The following ITPR2 variants were observed in gnomAD, a reference collection of about 807,000 sequenced individuals.
ITPR2 encodes the protein inositol 1,4,5-trisphosphate receptor type 2.
In ITPR2, 207 loss-of-function variants were observed where a neutral mutation model predicts 317.1. The observed-to-expected ratio is 0.65, with a 90% CI of 0.58 to 0.73. The LOEUF (loss-of-function observed/expected upper bound fraction) is 0.73, where lower values mean the gene tolerates loss of function less well. ITPR2 is among the 30% of genes least tolerant of loss of function. ITPR2 has a pLI of 0.00. For missense variants in ITPR2, 2,613 were observed against 3,284.0 expected (o/e 0.80, Z 4.99); for synonymous variants, 1,156 against 1,149.1 (o/e 1.01, Z -0.12).
Position 26,387,418 on chromosome 12 carries a change from C to T in ITPR2, c.7857+16G>A. On this transcript the variant is annotated intron_variant, in intron 55 of 56. Transcript: ENST00000381340. ...GATACAATATAGTCACAAATTAAAA[C>T]CTTCTGGTCACTCACCACAATCATT... is the stretch of plus-strand genomic sequence containing the variant. The T allele has an allele frequency of 1.2e-6, 2 of 1,611,000 alleles. No individual in the cohort carries two copies. Among genetic ancestry groups the T allele is most frequent in the Non-Finnish European group, 1.7e-6 (2 of 1,178,276 alleles).
At chr12:26,352,501 CGA>C (rs2136561715) in intron 55 of ITPR2, among the ~76,000 whole-genome samples, 1 of 152,302 alleles carries the variant, frequency 6.6e-6, no homozygotes, top group South Asian at 2.1e-4. Context: ...CCTAAGATAA[CGA>C]GAGTCAGTTG....
chr12:26,819,053 A>G (rs1480950179), intron 1 of ITPR2, among the ~76,000 whole-genome samples: 2 of 152,232 alleles, frequency 1.3e-5, no homozygotes, highest in Non-Finnish European at 2.9e-5. Context: ...TTTTCTAAAG[A>G]TATTACATTT....
intron 2 of ITPR2, among the ~76,000 whole-genome samples, chr12:26,765,274 A>G (rs1239424114): frequency 6.6e-6 from 1 of 152,100 alleles, no homozygotes; most frequent in Non-Finnish European, 1.5e-5. Context: ...TTTTACAAGC[A>G]AGAAAGTGTA....
At chr12:26,697,433 T>C (rs1948371710) in intron 9 of ITPR2, among the ~76,000 whole-genome samples, 1 of 152,190 alleles carries the variant, frequency 6.6e-6, no homozygotes, top group Admixed American at 6.5e-5. Context: ...GGAAATGGTT[T>C]GGCATTCTCA....
chr12:26,784,846 T>TGG (rs1950185891), intron 2 of ITPR2, among the ~76,000 whole-genome samples: 2 of 139,922 alleles, frequency 1.4e-5, no homozygotes, highest in South Asian at 4.8e-4. Context: ...CTGCCCAGTC[T>TGG]GGAAGGTGAG....
chr12:26,544,591 C>A (rs1470627762), intron 37 of ITPR2, among the ~76,000 whole-genome samples: 1 of 86,136 alleles, frequency 1.2e-5, no homozygotes, highest in East Asian at 3.2e-4. Flanking sequence ...CAGACAAACA[C>A]ACAGAGACAC....
chr12:26,586,984 C>T (rs991935958), intron 32 of ITPR2, among the ~76,000 whole-genome samples: 5 of 151,812 alleles, frequency 3.3e-5, no homozygotes, highest in Admixed American at 2.0e-4. Flanking sequence ...AATATCCAAT[C>T]CCTTTCCACT....
At chr12:26,442,483 C>T (rs2136736468) in intron 46 of ITPR2, among the ~76,000 whole-genome samples, 1 of 152,248 alleles carries the variant, frequency 6.6e-6, no homozygotes, top group Admixed American at 6.5e-5. Context: ...CCCGCATTAA[C>T]CAAACTTCTC....
chr12:26,696,620 C>A (rs571855599), intron 9 of ITPR2, among the ~76,000 whole-genome samples: 1 of 152,114 alleles, frequency 6.6e-6, no homozygotes, highest in East Asian at 1.9e-4. Flanking sequence ...GAAAAAACAA[C>A]ATAAATTCCA....
chr12:26,769,633 T>C (rs1375674100), intron 2 of ITPR2, among the ~76,000 whole-genome samples: 3 of 152,030 alleles, frequency 2.0e-5, no homozygotes, highest in Non-Finnish European at 4.4e-5. Context: ...CCATAAACCA[T>C]AGAAGCACAA....
At chr12:26,430,543 C>T (rs989362914) in intron 48 of ITPR2, among the ~76,000 whole-genome samples, 2 of 152,228 alleles carry the variant, frequency 1.3e-5, no homozygotes, top group Non-Finnish European at 2.9e-5. Context: ...GGATTACGGG[C>T]ATGAGCCACC....
intron 20 of ITPR2, among the ~76,000 whole-genome samples, chr12:26,654,868 C>T (rs1021841632): frequency 1.3e-5 from 2 of 152,190 alleles, no homozygotes; most frequent in Admixed American, 6.5e-5. Flanking sequence ...GACTGTCCAG[C>T]CCTAGATGGC....
rs1199802243 is a variant in ITPR2 at position 26,486,330 on chromosome 12, C to A, written c.5585G>T (p.Gly1862Val). The A allele has an allele frequency of 1.2e-6, 2 of 1,612,790 alleles. No homozygotes were observed. Among genetic ancestry groups the A allele is most frequent in the South Asian group, 2.2e-5 (2 of 91,046 alleles). The stretch of plus-strand genomic sequence containing the variant: ...AGCTTCTGTTAATTGCCCTTTCATT[C>A]CCTCTTTTAAATGTAGTGTTGAATC... The part of the protein sequence containing the change: ...VRDSTLHLKE[G>V]MKGQLTEASS... Residue 1862 changes from glycine to valine, a missense_variant, in exon 41 of 57, where the codon GGA (glycine) becomes GTA (valine). By Grantham distance (109) the Gly-to-Val change is moderately radical (BLOSUM62 -3). Around this residue, in one of 9 missense-constraint regions of ITPR2, gnomAD observed 926 missense variants for 1,072.8 expected, o/e 0.86. Transcript: ENST00000381340.
At chr12:26,488,662 C>A (rs1942728459) in intron 39 of ITPR2, among the ~76,000 whole-genome samples, 1 of 152,104 alleles carries the variant, frequency 6.6e-6, no homozygotes, top group African/African-American at 2.4e-5. Context: ...ATTCAAACAA[C>A]AAATGCAGCA....
chr12:26,378,022 T>C (rs951367284), intron 55 of ITPR2, among the ~76,000 whole-genome samples: 1 of 152,112 alleles, frequency 6.6e-6, no homozygotes, highest in Admixed American at 6.5e-5. Flanking sequence ...AGTGGCTCTA[T>C]ATCTTATTTA....
intron 2 of ITPR2, among the ~76,000 whole-genome samples, chr12:26,732,097 G>C (rs568946183): frequency 2.7e-4 from 41 of 152,164 alleles, no homozygotes; most frequent in Non-Finnish European, 4.4e-4. Context: ...TGCTATGAAG[G>C]CTCAGGGAAA....
At chr12:26,671,281 G>T (rs1269865987) in intron 13 of ITPR2, among the ~76,000 whole-genome samples, 1 of 152,186 alleles carries the variant, frequency 6.6e-6, no homozygotes, top group Non-Finnish European at 1.5e-5. Flanking sequence ...AGGAAAAAAT[G>T]TTAAGGGCAG....
chr12:26,718,949 G>A (rs2137037710), intron 5 of ITPR2, among the ~76,000 whole-genome samples: 1 of 152,184 alleles, frequency 6.6e-6, no homozygotes, highest in East Asian at 1.9e-4. Flanking sequence ...TAGCCAAAAT[G>A]TTCCTTGGTA....
Position 26,624,201 on chromosome 12 carries a change from A to G in ITPR2, c.3122+98T>C, listed in dbSNP as rs1439773543. The G allele has an allele frequency of 4.8e-6, 4 of 835,540 alleles. No individual in the cohort carries two copies. The East Asian group carries it at 1.1e-4, about 22-fold the overall frequency. The allele number at this position is 835,540 out of a possible 1,614,324, so 51.8% of individuals were successfully genotyped here. A position where few individuals can be genotyped will look rare whatever the true frequency, so the allele number is the denominator to read the frequency against. ...TGTTAGCAACAATAGAGGGTCTAAA[A>G]ATAAATAGATATAGAGTGAACAATA... On this transcript the variant is annotated intron_variant, in intron 24 of 56. Transcript: ENST00000381340.
Sources: allele counts gnomAD v4.1 joint callset (sites outside exome capture counted in the v4.1 genomes callset), GRCh38; gene constraint gnomAD v4.1.1; regional missense constraint gnomAD v4.1.1; transcripts MANE v1.5; gene names NCBI Gene and HGNC (gene_info 2026-07-23, HGNC 2026-07-21).